The following C1orf105 variants were observed in gnomAD, a reference collection of about 807,000 sequenced individuals.
The protein encoded by C1orf105 is chromosome 1 open reading frame 105.
In C1orf105, 17 loss-of-function variants were observed where a neutral mutation model predicts 20.8. That is an observed-to-expected ratio of 0.82 (90% CI 0.56 to 1.23). The LOEUF is 1.23. C1orf105 is among the 50% of genes most tolerant of loss of function. C1orf105 has a pLI of 0.00. For missense variants in C1orf105, 219 were observed against 213.5 expected, an observed-to-expected ratio of 1.03 and a Z score of -0.16; for synonymous variants, 72 against 72.1, an observed-to-expected ratio of 1.00 and a Z score of 0.01.
intron 3 of C1orf105, 120 bp from the exon 4 acceptor site, chr1:172,456,295 T>C (rs556096755): frequency 7.3e-6 from 6 of 819,784 alleles, no homozygotes; most frequent in Non-Finnish European, 1.2e-5. Flanking sequence ...AGAGTGCCCA[T>C]CTCTGTTTTA....
At chr1:172,424,893 C>G (rs150761721) in intron 1 of C1orf105, among the ~76,000 whole-genome samples, 280 of 152,148 alleles carry the variant, frequency 1.8e-3, no homozygotes, top group African/African-American at 6.5e-3. Context: ...TCTCACTGAC[C>G]AGAGTTCAAA....
intron 1 of C1orf105, among the ~76,000 whole-genome samples, chr1:172,436,186 A>G (rs1158428911): frequency 6.6e-6 from 1 of 152,212 alleles, no homozygotes; most frequent in East Asian, 1.9e-4. Flanking sequence ...TATAGATTCA[A>G]TGCCATCTCC....
intron 3 of C1orf105, among the ~76,000 whole-genome samples, chr1:172,449,354 GA>G (rs1239173363): frequency 1.3e-5 from 2 of 152,162 alleles, no homozygotes; most frequent in Non-Finnish European, 2.9e-5. Flanking sequence ...CAGCACTTGT[GA>G]GAGAAGGTGG....
chr1:172,434,882 CA>C (rs1200526831), intron 1 of C1orf105, among the ~76,000 whole-genome samples: 1 of 152,084 alleles, frequency 6.6e-6, no homozygotes, highest in East Asian at 1.9e-4. Context: ...AGAGAAGAAT[CA>C]AATAGACACA....
In C1orf105 at chr1:172,448,509, A is replaced by C. The variant is rs1648264249; in HGVS notation, c.176A>C (p.Gln59Pro). ...AATATGAATTTGCCAATTTTGTTTCAAGTTCCAGATGTTTTATCTAAGGTA... is the reference window on the plus strand; with the variant it reads ...AATATGAATTTGCCAATTTTGTTTCCAGTTCCAGATGTTTTATCTAAGGTA... ...KKNMNLPILF[Q>P]VPDVLSKARR... is the part of the protein sequence containing the mutation. Residue 59 changes from glutamine to proline, a missense_variant, in exon 3 of 7, where the codon CAA (glutamine) becomes CCA (proline). Coordinates refer to ENST00000367727, the MANE Select transcript of C1orf105 (RefSeq NM_139240.4). 1 of 1,612,436 alleles carries C rather than the reference A, an allele frequency of 6.2e-7. No individual in the cohort carries two copies. The highest frequency in any genetic ancestry group is 1.1e-5 in the South Asian group (1 of 91,040).
chr1:172,444,388 C>A (rs79080789), intron 1 of C1orf105: 1 of 740,742 alleles, frequency 1.3e-6, no homozygotes, highest in East Asian at 1.3e-4. Context: ...GCTGGGACTT[C>A]CCGTGCATCC....
chr1:172,468,707 T>C lies in C1orf105; in HGVS notation c.*113T>C, dbSNP rs1055462557. On this transcript the variant is annotated 3_prime_UTR_variant, in exon 7 of 7. Coordinates refer to ENST00000367727, the MANE Select transcript of C1orf105 (RefSeq NM_139240.4). The stretch of plus-strand genomic sequence containing the variant: ...TTTTCTCTCTTCTCCCAAAAGATGA[T>C]TTAATTTTGCCTTCCTAAGATTGCT... 3.2e-6 allele frequency: 4 copies of C among 1,250,620 alleles called. No individual in the cohort carries two copies. 77.5% of individuals were successfully genotyped at this position (1,250,620 alleles called of 1,614,324 possible).
At chr1:172,424,461 G>A (rs2071673251) in intron 1 of C1orf105, among the ~76,000 whole-genome samples, 1 of 152,186 alleles carries the variant, frequency 6.6e-6, no homozygotes, top group South Asian at 2.1e-4. Flanking sequence ...CACGATCCCG[G>A]CTCACTGCCA....
At chr1:172,429,122 C>T (rs1356079051) in intron 1 of C1orf105, among the ~76,000 whole-genome samples, 1 of 152,190 alleles carries the variant, frequency 6.6e-6, no homozygotes, top group East Asian at 1.9e-4. Context: ...AAGTTGGTAA[C>T]ATAGCCTTAG....
chr1:172,421,570 G>A (rs1215934369), intron 1 of C1orf105, among the ~76,000 whole-genome samples: 3 of 152,172 alleles, frequency 2.0e-5, no homozygotes, highest in Admixed American at 2.0e-4. Flanking sequence ...AAAATCCTAA[G>A]TTGGGGAGGA....
intron 5 of C1orf105, 70 bp from the exon 6 acceptor site, chr1:172,465,229 A>G: frequency 2.6e-6 from 2 of 772,978 alleles, no homozygotes; most frequent in South Asian, 2.6e-5. Context: ...ATAAAAATGT[A>G]TAAAGGCACA....
At position 172,456,400 on chromosome 1, in the gene C1orf105, T is replaced by G. The variant is rs747159652; in HGVS notation, c.199-15T>G. On this transcript the variant is annotated splice_polypyrimidine_tract_variant and intron_variant, in intron 3 of 6. Coordinates refer to ENST00000367727, the MANE Select transcript of C1orf105 (RefSeq NM_139240.4). The stretch of plus-strand genomic sequence containing the variant: ...CACCATTTCCTCACCTCTCTCTGTC[T>G]CTCTTTCCCCTCAGGCCAGGAGGAA... 1 of 1,610,196 alleles carries G rather than the reference T, an allele frequency of 6.2e-7. No homozygotes were observed. The highest frequency in any genetic ancestry group is 8.5e-7 in the Non-Finnish European group (1 of 1,178,462).
At chr1:172,442,646 C>T in intron 1 of C1orf105, 1 of 1,587,784 alleles carries the variant, frequency 6.3e-7, no homozygotes, top group East Asian at 2.3e-5. Flanking sequence ...AAACTCAGGC[C>T]AGTTTAATCA....
intron 4 of C1orf105, among the ~76,000 whole-genome samples, chr1:172,458,982 C>T (rs1457758183): frequency 1.3e-5 from 2 of 152,082 alleles, no homozygotes; most frequent in African/African-American, 2.4e-5. Flanking sequence ...GGGGCAGCTG[C>T]ATAGATACAT....
At chr1:172,431,288 G>A (rs756453394) in intron 1 of C1orf105, 1 of 436,678 alleles carries the variant, frequency 2.3e-6, no homozygotes, top group Non-Finnish European at 4.0e-6. Context: ...GAAATTAAAA[G>A]TGGTACTCCC....
intron 1 of C1orf105, among the ~76,000 whole-genome samples, chr1:172,435,658 T>G (rs557609091): frequency 1.9e-4 from 29 of 152,300 alleles, no homozygotes; most frequent in African/African-American, 6.5e-4. Context: ...GGGCAGAAAC[T>G]GGAAGCATTC....
intron 4 of C1orf105, among the ~76,000 whole-genome samples, chr1:172,458,623 C>T (rs932901867): frequency 3.9e-5 from 6 of 152,158 alleles, no homozygotes; most frequent in African/African-American, 7.2e-5. Flanking sequence ...GAATATACTC[C>T]GCCAAACTGA....
intron 1 of C1orf105, among the ~76,000 whole-genome samples, chr1:172,435,680 C>T (rs942583148): frequency 6.6e-6 from 1 of 152,060 alleles, no homozygotes; most frequent in South Asian, 2.1e-4. Flanking sequence ...CTTTGAAAAC[C>T]AGCACAAGAC....
intron 3 of C1orf105, among the ~76,000 whole-genome samples, chr1:172,450,253 G>T (rs930195748): frequency 2.0e-5 from 3 of 152,166 alleles, no homozygotes; most frequent in Non-Finnish European, 2.9e-5. Context: ...TCCTGTTAGG[G>T]GCTGACCCTC....
Sources: allele counts gnomAD v4.1 joint callset (sites outside exome capture counted in the v4.1 genomes callset), GRCh38; gene constraint gnomAD v4.1.1; transcripts MANE v1.5; gene names NCBI Gene and HGNC (gene_info 2026-07-23, HGNC 2026-07-21).